Variants in MICU3 observed in about 807,000 individuals in gnomAD.
MICU3 encodes the protein calcium uptake protein 3, mitochondrial.
MICU3 carries 62 observed loss-of-function variants against 66.5 expected under a neutral mutation model. That is an observed-to-expected ratio of 0.93 (90% confidence interval 0.76 to 1.15). The LOEUF (loss-of-function observed/expected upper bound fraction) is 1.15, where lower values mean the gene tolerates loss of function less well. Ranked by LOEUF, MICU3 falls within the 50% of genes most tolerant of loss-of-function variation. MICU3 has a pLI of 0.00. For synonymous variants in MICU3, 308 were observed against 240.7 expected (o/e 1.28, Z -2.59); for missense variants, 779 against 664.4 (o/e 1.17, Z -1.90).
At chr8:17,122,732 T>C (rs1028016911), downstream of MICU3, 2 of 152,162 alleles carry the variant, frequency 1.3e-5, no homozygotes, top group Non-Finnish European at 2.9e-5. Context: ...TATGGGTTAC[T>C]AAACCTCTTT....
intron 3 of MICU3, among the ~76,000 whole-genome samples, chr8:17,077,136 A>G (rs748873426): frequency 5.3e-5 from 8 of 152,240 alleles, no homozygotes; most frequent in Admixed American, 1.3e-4. Flanking sequence ...TTTTTAAAAA[A>G]GAAAAAGCTA....
intron 1 of MICU3, among the ~76,000 whole-genome samples, chr8:17,034,063 C>G (rs1376785850): frequency 1.3e-5 from 2 of 152,136 alleles, no homozygotes; most frequent in African/African-American, 4.8e-5. Context: ...TAGGCTGGCC[C>G]TTTTGTTAGG....
At chr8:17,134,567 C>T in the MICU3 span, among the ~76,000 whole-genome samples, 1 of 152,150 alleles carries the variant, frequency 6.6e-6, no homozygotes, top group Non-Finnish European at 1.5e-5. Flanking sequence ...GCCTCAGCCT[C>T]CCGAGTAGGT....
At chr8:17,115,341 C>A (rs376708225) in intron 12 of MICU3, among the ~76,000 whole-genome samples, 2 of 152,104 alleles carry the variant, frequency 1.3e-5, no homozygotes, top group Admixed American at 6.6e-5. Context: ...TATTCTCAAC[C>A]CATTTTAGTG....
chr8:17,049,473 T>C, intron 1 of MICU3: 2 of 468,994 alleles, frequency 4.3e-6, no homozygotes, highest in Admixed American at 4.2e-5. Flanking sequence ...AGTATTTGCA[T>C]GTAGTTTTCA....
At chr8:17,037,834 G>C (rs1183620089) in intron 1 of MICU3, among the ~76,000 whole-genome samples, 1 of 152,192 alleles carries the variant, frequency 6.6e-6, no homozygotes, top group African/African-American at 2.4e-5. Flanking sequence ...CCTACCTCTT[G>C]GATCAGTGTG....
At chr8:17,034,080 T>A (rs890381481) in intron 1 of MICU3, among the ~76,000 whole-genome samples, 2 of 152,184 alleles carry the variant, frequency 1.3e-5, no homozygotes, top group Non-Finnish European at 2.9e-5. Context: ...TAGGGGCTAA[T>A]GCAGCTGGTG....
chr8:17,098,471 A>G lies in MICU3; in HGVS notation c.902A>G (p.Asp301Gly). The G allele has an allele frequency of 1.2e-6, 2 of 1,609,378 alleles. No homozygotes were observed. The highest frequency in any genetic ancestry group is 2.2e-5 in the South Asian group (2 of 90,972). The stretch of plus-strand genomic sequence containing the variant: ...AAACTTCTACAGGTACTTAAAACAG[A>G]TGCTGAGGAACTTGTCTCCAGAAGC... ...HSPTNSVLKT[D>G]AEELVSRSYW... Residue 301 changes from aspartate to glycine, a missense_variant, in exon 9 of 15, where the codon GAT becomes GGT. Physicochemically the swap from Asp to Gly is moderately conservative, Grantham distance 94. Transcript: ENST00000318063.
At chr8:17,115,449 G>C (rs1802593352) in intron 12 of MICU3, among the ~76,000 whole-genome samples, 1 of 152,106 alleles carries the variant, frequency 6.6e-6, no homozygotes, top group African/African-American at 2.4e-5. Flanking sequence ...TCAATATCTG[G>C]TTACTGGGTT....
chr8:17,072,175 G>C (rs1819682221), intron 3 of MICU3, among the ~76,000 whole-genome samples: 1 of 152,058 alleles, frequency 6.6e-6, no homozygotes. Context: ...AATAAATAAA[G>C]TAGTATTACA....
At chr8:17,069,526 T>C (rs1819228582) in intron 2 of MICU3, among the ~76,000 whole-genome samples, 162 bp from the exon 3 acceptor site, 1 of 151,990 alleles carries the variant, frequency 6.6e-6, no homozygotes, top group African/African-American at 2.4e-5. Flanking sequence ...AGATAACATA[T>C]ATAAGATCAT....
intron 11 of MICU3, among the ~76,000 whole-genome samples, chr8:17,109,036 G>T (rs3915066): frequency 0.24 from 37,078 of 151,838 alleles, 4,679 homozygotes; most frequent in East Asian, 0.37. Context: ...ATTTCTCAAT[G>T]ATGCCTACCC....
the MICU3 span, among the ~76,000 whole-genome samples, chr8:17,135,462 G>A: frequency 1.2e-4 from 18 of 151,796 alleles, no homozygotes; most frequent in Non-Finnish European, 5.9e-5. Flanking sequence ...ATACAGAGAA[G>A]CAACTGATTT....
intron 9 of MICU3, among the ~76,000 whole-genome samples, chr8:17,103,266 A>C (rs575570945): frequency 6.6e-6 from 1 of 152,024 alleles, no homozygotes; most frequent in South Asian, 2.1e-4. Flanking sequence ...GAAGAGGGCT[A>C]TGAGGAATTA....
chr8:17,085,897 T>A (rs948263748), intron 6 of MICU3, among the ~76,000 whole-genome samples: 1 of 152,142 alleles, frequency 6.6e-6, no homozygotes, highest in African/African-American at 2.4e-5. Flanking sequence ...CAACTTCACA[T>A]ACCCTGCTTC....
rs76013397 is a variant in MICU3 at position 17,082,635 on chromosome 8, A to G, written c.694+895A>G. Among the ~76,000 whole-genome samples the G allele has an allele frequency of 9.1e-3, 1,387 of 152,268 alleles. 17 individuals are homozygous for G. The highest frequency in any genetic ancestry group is 0.02 in the Middle Eastern group (6 of 294). On this transcript the variant is annotated intron_variant, in intron 5 of 14. Transcript: ENST00000318063. ...TACCCTTCCAAAAAGTAGTTAGTGA[A>G]TGAATGAAGAAAGGAATACATGAAA...
intron 1 of MICU3, among the ~76,000 whole-genome samples, chr8:17,053,996 G>C (rs1019675630): frequency 2.0e-5 from 3 of 152,164 alleles, no homozygotes; most frequent in Non-Finnish European, 4.4e-5. Context: ...TTATAAATAA[G>C]GTAAGTCATG....
chr8:17,100,918 T>C (rs1440342845), intron 9 of MICU3, among the ~76,000 whole-genome samples: 1 of 151,780 alleles, frequency 6.6e-6, no homozygotes, highest in Non-Finnish European at 1.5e-5. Flanking sequence ...ACAGATGAAA[T>C]GTAAAATTTT....
chr8:17,058,222 T>A (rs1021019406), intron 1 of MICU3, among the ~76,000 whole-genome samples: 1 of 152,236 alleles, frequency 6.6e-6, no homozygotes, highest in Non-Finnish European at 1.5e-5. Context: ...TAATGAAAGA[T>A]GTTTTGGTTG....
Sources: gnomAD v4.1 joint callset for allele counts (sites outside exome capture counted in the v4.1 genomes callset) on GRCh38, gnomAD v4.1.1 for gene constraint, MANE v1.5 for transcripts, NCBI Gene and HGNC (gene_info 2026-07-23, HGNC 2026-07-21) for gene names.